COL22A1: variants seen among roughly 807,000 people sequenced by gnomAD.
The protein encoded by COL22A1 is collagen type XXII alpha 1 chain.
COL22A1 carries 221 observed loss-of-function variants against 248.9 expected under a neutral mutation model. The observed-to-expected ratio is 0.89, with a 90% confidence interval of 0.80 to 0.99. The LOEUF is 0.99. Among genes scored for constraint, COL22A1 ranks in the 50% least tolerant of loss-of-function variants. The probability of loss-of-function intolerance (pLI) is 0.00; values close to 1 mark genes in which losing one functional copy is unlikely to be tolerated. For synonymous variants in COL22A1, 891 were observed against 793.4 expected, an observed-to-expected ratio of 1.12 and a Z score of -2.07; for missense variants, 2,240 against 2,179.0, an observed-to-expected ratio of 1.03 and a Z score of -0.56.
chr8:138,679,798 T>A lies in COL22A1; in HGVS notation c.3013-122A>T, dbSNP rs950327311. Reference sequence around the variant, plus strand: ...ATCTCTGTATCCACAGTGTCCAGATTAGGGTCTGGCACAGGTGGCAGCTAA... The same window carrying A: ...ATCTCTGTATCCACAGTGTCCAGATAAGGGTCTGGCACAGGTGGCAGCTAA... On this transcript the variant is annotated intron_variant, in intron 39 of 64. Coordinates refer to ENST00000303045, the MANE Select transcript of COL22A1 (RefSeq NM_152888.3). 2.6e-5 allele frequency: 23 copies of A among 894,122 alleles called. No homozygotes were observed. The African/African-American group carries it at 3.4e-4, about 13-fold the overall frequency. The allele number at this position is 894,122 out of a possible 1,614,324, so 55.4% of individuals were successfully genotyped here. A position where few individuals can be genotyped will look rare whatever the true frequency, so the allele number is the denominator to read the frequency against.
intron 30 of COL22A1, among the ~76,000 whole-genome samples, chr8:138,713,568 G>A (rs150619946): frequency 1.3e-5 from 2 of 152,212 alleles, no homozygotes; most frequent in East Asian, 3.9e-4. Flanking sequence ...GTGCATGTGC[G>A]GTTTTGGCAA....
At chr8:138,761,005 G>A (rs911161624) in intron 17 of COL22A1, among the ~76,000 whole-genome samples, 3 of 152,180 alleles carry the variant, frequency 2.0e-5, no homozygotes, top group African/African-American at 7.2e-5. Context: ...TGGACAGAGG[G>A]CTTTGTATAG....
intron 9 of COL22A1, among the ~76,000 whole-genome samples, chr8:138,809,623 A>G (rs1818037757): frequency 1.3e-5 from 2 of 149,414 alleles, no homozygotes; most frequent in Admixed American, 6.7e-5. Context: ...CGGGTTCAAG[A>G]GATTCTCCTG....
chr8:138,679,911 T>G (rs1033068926), intron 39 of COL22A1, among the ~76,000 whole-genome samples: 1 of 152,104 alleles, frequency 6.6e-6, no homozygotes, highest in Admixed American at 6.5e-5. Context: ...CAAAATAAAC[T>G]TTTTCAGAGG....
intron 17 of COL22A1, 81 bp downstream of exon 17, chr8:138,762,332 T>G (rs1833555419): frequency 7.8e-6 from 11 of 1,410,298 alleles, no homozygotes; most frequent in Non-Finnish European, 1.0e-5. Flanking sequence ...TGAGGCTCTG[T>G]GGAGCTTTAT....
At chr8:138,691,445 GTGTA>G (rs1179542782) in intron 35 of COL22A1, among the ~76,000 whole-genome samples, 4 of 151,098 alleles carry the variant, frequency 2.6e-5, no homozygotes, top group Admixed American at 6.6e-5. Flanking sequence ...GTGAAGGTGT[GTGTA>G]TGTGTGTACG....
At chr8:138,864,148 C>T (rs1822692660) in intron 3 of COL22A1, among the ~76,000 whole-genome samples, 1 of 152,046 alleles carries the variant, frequency 6.6e-6, no homozygotes, top group Non-Finnish European at 1.5e-5. Context: ...TTCTAGACCG[C>T]ACTTCAGGAT....
chr8:138,590,781 T>C (rs1444964927), intron 64 of COL22A1, among the ~76,000 whole-genome samples: 1 of 152,228 alleles, frequency 6.6e-6, no homozygotes. Context: ...ATTGCTGCAT[T>C]GCAGAGATCT....
intron 10 of COL22A1, 94 bp from the exon 11 acceptor site, chr8:138,803,028 C>A: frequency 1.1e-6 from 1 of 951,510 alleles, no homozygotes; most frequent in Middle Eastern, 2.1e-4. Flanking sequence ...TGCTCCAATT[C>A]CCTAGAAGCA....
At chr8:138,626,749 A>C (rs544619553) in intron 50 of COL22A1, among the ~76,000 whole-genome samples, 41 of 152,274 alleles carry the variant, frequency 2.7e-4, no homozygotes, top group Non-Finnish European at 4.7e-4. Context: ...AGGCTCCTAC[A>C]TGTTTTACCA....
At chr8:138,790,000 T>C (rs1815885504) in intron 12 of COL22A1, among the ~76,000 whole-genome samples, 1 of 152,224 alleles carries the variant, frequency 6.6e-6, no homozygotes. Context: ...TCTTATGCCT[T>C]CAGGGAGAAC....
intron 24 of COL22A1, among the ~76,000 whole-genome samples, chr8:138,724,927 C>T (rs1464372848): frequency 6.6e-6 from 1 of 152,244 alleles, no homozygotes; most frequent in Non-Finnish European, 1.5e-5. Flanking sequence ...CTGCCTCCCT[C>T]TGCTGATGGC....
At chr8:138,860,128 C>G (rs1201306400) in intron 3 of COL22A1, among the ~76,000 whole-genome samples, 1 of 152,224 alleles carries the variant, frequency 6.6e-6, no homozygotes, top group Non-Finnish European at 1.5e-5. Flanking sequence ...TCCACCCTGT[C>G]CCTCTAGGTT....
At chr8:138,633,839 A>G (rs1343498003) in intron 49 of COL22A1, among the ~76,000 whole-genome samples, 2 of 152,234 alleles carry the variant, frequency 1.3e-5, no homozygotes, top group African/African-American at 2.4e-5. Flanking sequence ...AAATGACAGC[A>G]AACTGATAAA....
In COL22A1 at chr8:138,806,090, G is replaced by C. The variant is rs1293709791; in HGVS notation, c.1494+1678C>G. 2.2e-3 allele frequency among the ~76,000 whole-genome samples: 34 copies of C among 15,602 alleles called. 1 individual carries two copies. The highest frequency in any genetic ancestry group is 2.5e-3 in the Non-Finnish European group (12 of 4,790). 10.2% of individuals were successfully genotyped at this position (15,602 alleles called of 152,430 possible). A position where few individuals can be genotyped will look rare whatever the true frequency, so the allele number is the denominator to read the frequency against. On this transcript the variant is annotated intron_variant, in intron 10 of 64. Coordinates refer to ENST00000303045, the MANE Select transcript of COL22A1 (RefSeq NM_152888.3). ...GGTGTGTGTGATGGTGTGTGTAATG[G>C]TGTGTGATGGTGTGTTTGTGTGTGA...
chr8:138,806,064 T>G (rs376874362), intron 10 of COL22A1, among the ~76,000 whole-genome samples: 2 of 4,542 alleles, frequency 4.4e-4, no homozygotes, highest in African/African-American at 1.2e-3. Context: ...TGGTGTGTGG[T>G]GGTGTGTGTG....
At chr8:138,898,575 C>A (rs191723136) in intron 1 of COL22A1, among the ~76,000 whole-genome samples, 30 of 152,274 alleles carry the variant, frequency 2.0e-4, no homozygotes, top group Admixed American at 1.2e-3. Context: ...AACCCACAAT[C>A]TTCTATCCAG....
At chr8:138,803,466 A>G (rs1817177549) in intron 10 of COL22A1, among the ~76,000 whole-genome samples, 1 of 152,214 alleles carries the variant, frequency 6.6e-6, no homozygotes, top group Non-Finnish European at 1.5e-5. Context: ...GCACATGTAT[A>G]CATATGTAAC....
chr8:138,881,193 T>C (rs1824174971), intron 2 of COL22A1, among the ~76,000 whole-genome samples: 1 of 151,512 alleles, frequency 6.6e-6, no homozygotes, highest in South Asian at 2.1e-4. Context: ...TGGCTGTGCA[T>C]TTGGGGTTGG....
Sources: gnomAD v4.1 joint callset for allele counts (sites outside exome capture counted in the v4.1 genomes callset) on GRCh38, gnomAD v4.1.1 for gene constraint, MANE v1.5 for transcripts, NCBI Gene and HGNC (gene_info 2026-07-23, HGNC 2026-07-21) for gene names.